Variants in EPB41L3 observed in about 807,000 individuals in gnomAD.
The protein encoded by EPB41L3 is band 4.1-like protein 3.
Under a neutral mutation model 127.1 loss-of-function variants are expected in EPB41L3, and 57 were observed. The ratio of observed to expected loss-of-function variants is 0.45; its 90% confidence interval spans 0.36 to 0.56. The LOEUF (loss-of-function observed/expected upper bound fraction) is 0.56. EPB41L3 is among the 20% of genes least tolerant of loss of function. EPB41L3 has a pLI of 0.00. For synonymous variants in EPB41L3, 572 were observed against 549.5 expected (o/e 1.04, Z -0.57); for missense variants, 1,273 against 1,372.2 (o/e 0.93, Z 1.14).
chr18:5,418,397 G>A (rs2077070190), intron 12 of EPB41L3, among the ~76,000 whole-genome samples: 1 of 152,212 alleles, frequency 6.6e-6, no homozygotes. Flanking sequence ...TTACATTGAT[G>A]TGTCACTTCT....
chr18:5,485,016 GCAGA>G (rs1184225688), intron 2 of EPB41L3, among the ~76,000 whole-genome samples: 1 of 150,746 alleles, frequency 6.6e-6, no homozygotes, highest in Non-Finnish European at 1.5e-5. Context: ...GATACCAAAA[GCAGA>G]CAAAGATACA....
intron 14 of EPB41L3, among the ~76,000 whole-genome samples, chr18:5,409,904 T>A (rs957381439): frequency 5.9e-5 from 9 of 152,056 alleles, no homozygotes; most frequent in Non-Finnish European, 1.3e-4. Context: ...CACACACACA[T>A]TTAATGTGTT....
chr18:5,491,676 A>G (rs921380136), intron 1 of EPB41L3, among the ~76,000 whole-genome samples: 4 of 152,212 alleles, frequency 2.6e-5, no homozygotes, highest in African/African-American at 9.6e-5. Context: ...CCCTTGTCAT[A>G]TATTTCCTAG....
At chr18:5,629,072 C>G (rs574712301), upstream of EPB41L3, 1 of 152,458 alleles carries the variant, frequency 6.6e-6, no homozygotes, top group Non-Finnish European at 1.5e-5. Flanking sequence ...CCCGCCTCCG[C>G]CAAGCCTCCA....
At chr18:5,555,607 A>G (rs1452617155) in intron 3 of EPB41L3, among the ~76,000 whole-genome samples, 1 of 152,108 alleles carries the variant, frequency 6.6e-6, no homozygotes, top group Non-Finnish European at 1.5e-5. Flanking sequence ...CCCTCTTGTC[A>G]GATCTATTAC....
intron 8 of EPB41L3, among the ~76,000 whole-genome samples, chr18:5,432,991 T>A (rs577628524): frequency 1.0e-3 from 158 of 152,298 alleles, no homozygotes; most frequent in Non-Finnish European, 1.5e-3. Flanking sequence ...AATGTGATGC[T>A]TGAGTCTTGG....
At chr18:5,532,259 T>C (rs1167315786) in intron 1 of EPB41L3, among the ~76,000 whole-genome samples, 1 of 152,226 alleles carries the variant, frequency 6.6e-6, no homozygotes, top group Non-Finnish European at 1.5e-5. Context: ...TGTTTACTAC[T>C]CATCCCCTTG....
intron 2 of EPB41L3, 28 bp downstream of exon 2, chr18:5,488,973 C>A (rs758669812): frequency 6.4e-7 from 1 of 1,558,222 alleles, no homozygotes; most frequent in African/African-American, 1.4e-5. Context: ...GCAAACACTG[C>A]GTCATTAGTT....
intron 22 of EPB41L3, 180 bp downstream of exon 22, chr18:5,394,494 CAAG>C (rs2073000337): frequency 1.8e-6 from 1 of 548,128 alleles, no homozygotes; most frequent in Non-Finnish European, 3.3e-6. Flanking sequence ...AAAAACTCCA[CAAG>C]AATGGAAGCT....
intron 1 of EPB41L3, among the ~76,000 whole-genome samples, chr18:5,615,035 G>A (rs568494336): frequency 3.8e-4 from 58 of 152,234 alleles, no homozygotes; most frequent in Non-Finnish European, 7.9e-4. Flanking sequence ...ATAGCTAACT[G>A]AGTGGACAGT....
At chr18:5,580,240 T>G (rs1257461597) in intron 3 of EPB41L3, among the ~76,000 whole-genome samples, 2 of 152,136 alleles carry the variant, frequency 1.3e-5, no homozygotes, top group African/African-American at 2.4e-5. Flanking sequence ...TACACACATA[T>G]GTATAGACAT....
chr18:5,464,478 T>C (rs561497902), intron 3 of EPB41L3, among the ~76,000 whole-genome samples: 1 of 152,280 alleles, frequency 6.6e-6, no homozygotes, highest in African/African-American at 2.4e-5. Context: ...CTCAAACAGC[T>C]ACTCCCAATT....
intron 1 of EPB41L3, among the ~76,000 whole-genome samples, chr18:5,531,412 T>C (rs1351086995): frequency 1.3e-5 from 2 of 152,058 alleles, no homozygotes; most frequent in African/African-American, 4.8e-5. Flanking sequence ...GCTCTTGCAA[T>C]TGGGAAACCT....
chr18:5,402,835 T>C (rs1402951525), intron 16 of EPB41L3, among the ~76,000 whole-genome samples: 1 of 152,202 alleles, frequency 6.6e-6, no homozygotes, highest in African/African-American at 2.4e-5. Context: ...ACAGTGTCAT[T>C]TCCTGTTGGG....
chr18:5,430,710 C>T (rs1288055958), intron 8 of EPB41L3, among the ~76,000 whole-genome samples: 4 of 151,480 alleles, frequency 2.6e-5, no homozygotes, highest in East Asian at 1.9e-4. Context: ...ACCACAGGCA[C>T]GTGCCACCAC....
At chr18:5,537,235 T>C (rs983495838) in intron 1 of EPB41L3, among the ~76,000 whole-genome samples, 1 of 152,238 alleles carries the variant, frequency 6.6e-6, no homozygotes. Context: ...TGTTAGACTA[T>C]ATTTTAAAGT....
At chr18:5,507,232 C>G (rs1436432910) in intron 1 of EPB41L3, among the ~76,000 whole-genome samples, 2 of 152,118 alleles carry the variant, frequency 1.3e-5, no homozygotes, top group African/African-American at 4.8e-5. Flanking sequence ...CACACAAACA[C>G]AAACACACAC....
chr18:5,589,860 AAC>A (rs2094470885), intron 3 of EPB41L3, among the ~76,000 whole-genome samples: 1 of 152,192 alleles, frequency 6.6e-6, no homozygotes, highest in Admixed American at 6.5e-5. Flanking sequence ...GATCTAGACA[AAC>A]ACACAGAGAT....
chr18:5,539,980 T>C (rs1012708666), intron 1 of EPB41L3, among the ~76,000 whole-genome samples: 2 of 152,196 alleles, frequency 1.3e-5, no homozygotes, highest in East Asian at 3.8e-4. Flanking sequence ...TAAAAATAAA[T>C]GAGAACATTG....
Sources: gnomAD v4.1 joint callset for allele counts (sites outside exome capture counted in the v4.1 genomes callset) on GRCh38, gnomAD v4.1.1 for gene constraint, MANE v1.5 for transcripts, NCBI Gene and HGNC (gene_info 2026-07-23, HGNC 2026-07-21) for gene names.